Variants in C12orf42 observed in about 807,000 individuals in gnomAD.
C12orf42 encodes chromosome 12 open reading frame 42, also known as uncharacterized protein C12orf42.
A neutral mutation model predicts 21.6 loss-of-function variants in C12orf42; 25 were observed. That is an observed-to-expected ratio of 1.16 (90% confidence interval 0.84 to 1.62). The LOEUF (loss-of-function observed/expected upper bound fraction) is 1.62, where lower values mean the gene tolerates loss of function less well. Among genes scored for constraint, C12orf42 ranks in the 40% most tolerant of loss-of-function variants. The pLI is 0.00. For missense variants in C12orf42, 483 were observed against 459.3 expected (o/e 1.05, Z -0.47); for synonymous variants, 174 against 175.0 (o/e 0.99, Z 0.05).
At chr12:103,248,903 ATAT>A (rs2034141959) in intron 10 of C12orf42, among the ~76,000 whole-genome samples, 1 of 152,044 alleles carries the variant, frequency 6.6e-6, no homozygotes, top group Non-Finnish European at 1.5e-5. Flanking sequence ...AAAGTTTTAC[ATAT>A]AATTGTTGAA....
intron 2 of C12orf42, among the ~76,000 whole-genome samples, chr12:103,460,689 A>C (rs1256908045): frequency 6.6e-6 from 1 of 152,200 alleles, no homozygotes; most frequent in Non-Finnish European, 1.5e-5. Flanking sequence ...GAGAATTTCT[A>C]TGAAAAAATG....
At chr12:103,295,648 T>C (rs960356678) in intron 4 of C12orf42, among the ~76,000 whole-genome samples, 1 of 152,158 alleles carries the variant, frequency 6.6e-6, no homozygotes, top group Non-Finnish European at 1.5e-5. Context: ...GAAATTGTGC[T>C]CAATGTCAGT....
At chr12:103,389,713 TAGA>T (rs1221625923) in intron 3 of C12orf42, among the ~76,000 whole-genome samples, 2 of 152,156 alleles carry the variant, frequency 1.3e-5, no homozygotes, top group South Asian at 2.1e-4. Context: ...CTACTCAGGG[TAGA>T]AGGTCACAGG....
chr12:103,478,390 C>A lies in C12orf42; in HGVS notation c.37G>T (p.Glu13Ter), dbSNP rs202081871. The change falls in exon 2 of 6, where the codon GAA becomes TAA. Residue 13 changes from glutamate (E) to a stop codon, truncating the protein, a stop_gained. Transcript: ENST00000548883. LOFTEE classifies it high-confidence loss of function. ...TVICMKQREE[E>*]FLLTIRPFAN... ...AAAGGTCTGATGGTTAGCAAGAATT[C>A]TTCTTCCCTTTGTTTCATACATATC... 106 of 1,604,374 alleles carry A rather than the reference C, an allele frequency of 6.6e-5. No individual in the cohort carries two copies. In the African/African-American group the frequency reaches 1.2e-3, roughly 18 times the overall value.
intron 2 of C12orf42, among the ~76,000 whole-genome samples, chr12:103,444,391 A>C (rs972243641): frequency 6.6e-6 from 1 of 152,144 alleles, no homozygotes; most frequent in African/African-American, 2.4e-5. Flanking sequence ...GAAGCATTTT[A>C]AACATCATTT....
intron 2 of C12orf42, among the ~76,000 whole-genome samples, chr12:103,443,429 A>T (rs1951386025): frequency 6.6e-6 from 1 of 152,104 alleles, no homozygotes; most frequent in South Asian, 2.1e-4. Context: ...CTTTTCTGAG[A>T]CAATCTGCTA....
chr12:103,164,582 C>T, the C12orf42 span: 1 of 416,082 alleles, frequency 2.4e-6, no homozygotes, highest in Non-Finnish European at 4.8e-6. Flanking sequence ...AAGACATTGT[C>T]CTGAAGAAAT....
chr12:103,492,363 G>A (rs192421325), intron 1 of C12orf42, among the ~76,000 whole-genome samples: 18 of 152,320 alleles, frequency 1.2e-4, no homozygotes, highest in East Asian at 3.9e-4. Context: ...TTCAGTCTGC[G>A]TCAAAAGCAA....
In C12orf42 at chr12:103,306,084, G is replaced by A. The variant is rs2038285263; in HGVS notation, c.521C>T (p.Pro174Leu). 2.5e-6 allele frequency: 4 copies of A among 1,613,854 alleles called. No individual in the cohort carries two copies. Among genetic ancestry groups the A allele is most frequent in the Non-Finnish European group, 3.4e-6 (4 of 1,179,862 alleles). Residue 174 changes from proline to leucine, a missense_variant, in exon 5 of 6, where the codon CCT becomes CTT. By Grantham distance (98) the Pro-to-Leu change is moderately conservative. Transcript: ENST00000548883. ...AGGATTTACTGAGTGTGCCCAGTTAGGCTTTTTAACCAGTTGTTCCAAAAA... is the reference window on the plus strand; with the variant it reads ...AGGATTTACTGAGTGTGCCCAGTTAAGCTTTTTAACCAGTTGTTCCAAAAA... Reference protein sequence around the residue: ...SSFLEQLVKKPNWAHSVNPVH... With the variant: ...SSFLEQLVKKLNWAHSVNPVH...
At chr12:103,380,730 A>G (rs1566195991) in intron 3 of C12orf42, among the ~76,000 whole-genome samples, 1 of 152,212 alleles carries the variant, frequency 6.6e-6, no homozygotes, top group South Asian at 2.1e-4. Context: ...CTTGCTTATT[A>G]TAAACTAACA....
the C12orf42 span, among the ~76,000 whole-genome samples, chr12:103,158,557 A>T: frequency 3.3e-5 from 5 of 152,236 alleles, no homozygotes; most frequent in South Asian, 8.3e-4. Context: ...TTGGAGATTC[A>T]ATTTCATCTT....
chr12:103,131,914 G>A, the C12orf42 span, among the ~76,000 whole-genome samples: 4 of 152,210 alleles, frequency 2.6e-5, no homozygotes, highest in Non-Finnish European at 5.9e-5. Flanking sequence ...TAGTGGTAGC[G>A]AAGGAGTGAT....
intron 5 of C12orf42, among the ~76,000 whole-genome samples, chr12:103,305,503 GCA>G (rs2038196456): frequency 6.6e-6 from 1 of 152,140 alleles, no homozygotes; most frequent in African/African-American, 2.4e-5. Context: ...CGATATTTGA[GCA>G]CAGTCAAAAC....
chr12:103,417,235 T>C (rs1046559971), intron 2 of C12orf42, among the ~76,000 whole-genome samples: 1 of 152,300 alleles, frequency 6.6e-6, no homozygotes, highest in African/African-American at 2.4e-5. Flanking sequence ...GTGGCAAAGT[T>C]TGTATGCTGT....
At chr12:103,241,669 C>T (rs1381182746) in intron 10 of C12orf42, among the ~76,000 whole-genome samples, 2 of 152,086 alleles carry the variant, frequency 1.3e-5, no homozygotes, top group South Asian at 4.2e-4. Flanking sequence ...GTCCTCCCAA[C>T]CTTAAAATTG....
chr12:103,061,290 G>A, the C12orf42 span, among the ~76,000 whole-genome samples: 4 of 152,160 alleles, frequency 2.6e-5, no homozygotes, highest in South Asian at 8.3e-4. Context: ...TTCCCATTTA[G>A]GGAGGTGGTA....
At chr12:103,256,103 TATATATATACACACACAC>T (rs1317506312) in intron 10 of C12orf42, among the ~76,000 whole-genome samples, 96 of 57,196 alleles carry the variant, frequency 1.7e-3, no homozygotes, top group African/African-American at 3.7e-3. Flanking sequence ...TATATATATA[TATATATATACACACACAC>T]ACACACACAC....
At chr12:103,537,038 G>A in the C12orf42 span, among the ~76,000 whole-genome samples, 1 of 151,754 alleles carries the variant, frequency 6.6e-6, no homozygotes, top group East Asian at 1.9e-4. Flanking sequence ...TCTTGCCCCA[G>A]GACTTAGTAT....
the C12orf42 span, among the ~76,000 whole-genome samples, chr12:103,120,085 T>A: frequency 6.6e-6 from 1 of 152,238 alleles, no homozygotes; most frequent in Non-Finnish European, 1.5e-5. Context: ...CATACATACT[T>A]AACTTATGAA....
Sources: gnomAD v4.1 joint callset for allele counts (sites outside exome capture counted in the v4.1 genomes callset) on GRCh38, gnomAD v4.1.1 for gene constraint, MANE v1.5 for transcripts, NCBI Gene and HGNC (gene_info 2026-07-23, HGNC 2026-07-21) for gene names.